Variants in EPM2A observed in about 807,000 individuals in gnomAD.
The protein encoded by EPM2A is laforin.
A neutral mutation model predicts 26.5 loss-of-function variants in EPM2A; 21 were observed. The observed-to-expected ratio is 0.79, with a 90% CI of 0.56 to 1.14. EPM2A has a LOEUF of 1.14. EPM2A is among the 50% of genes most tolerant of loss of function. The pLI is 0.00. For missense variants in EPM2A, 458 were observed against 440.8 expected, an observed-to-expected ratio of 1.04 and a Z score of -0.35; for synonymous variants, 217 against 177.6, an observed-to-expected ratio of 1.22 and a Z score of -1.76.
intron 4 of EPM2A, among the ~76,000 whole-genome samples, chr6:145,488,384 T>C (rs1779705103): frequency 6.6e-6 from 1 of 152,134 alleles, no homozygotes; most frequent in Non-Finnish European, 1.5e-5. Context: ...GGAATAACAT[T>C]GAAGCTATGA....
At chr6:145,615,780 G>A (rs1775498348) in intron 2 of EPM2A, among the ~76,000 whole-genome samples, 1 of 152,072 alleles carries the variant, frequency 6.6e-6, no homozygotes, top group African/African-American at 2.4e-5. Context: ...CAAAGAGATT[G>A]GTGGCATTTT....
chr6:145,419,812 A>G (rs1053628490), intron 4 of EPM2A, among the ~76,000 whole-genome samples: 1 of 152,194 alleles, frequency 6.6e-6, no homozygotes, highest in Non-Finnish European at 1.5e-5. Context: ...TAATTTACTA[A>G]TAATTAATGA....
chr6:145,658,014 T>G (rs1778419746), intron 2 of EPM2A, among the ~76,000 whole-genome samples: 1 of 152,218 alleles, frequency 6.6e-6, no homozygotes, highest in Non-Finnish European at 1.5e-5. Flanking sequence ...CCTTCTTTTT[T>G]CTCAGTACAC....
chr6:145,518,249 T>C (rs1780156140), intron 2 of EPM2A, among the ~76,000 whole-genome samples: 1 of 152,190 alleles, frequency 6.6e-6, no homozygotes, highest in South Asian at 2.1e-4. Flanking sequence ...GATTGCTGTT[T>C]TATGTTCTCA....
chr6:145,430,140 C>T (rs1165881546), intron 4 of EPM2A, among the ~76,000 whole-genome samples: 4 of 151,586 alleles, frequency 2.6e-5, no homozygotes, highest in Admixed American at 6.6e-5. Context: ...TGTGATGAGC[C>T]GAGATGGCAC....
chr6:145,616,905 C>A (rs1775525412), intron 2 of EPM2A, among the ~76,000 whole-genome samples: 1 of 152,172 alleles, frequency 6.6e-6, no homozygotes, highest in African/African-American at 2.4e-5. Flanking sequence ...ATTTTACAGG[C>A]TCATAGGTGG....
chr6:145,607,183 A>G (rs1448230949), intron 2 of EPM2A, among the ~76,000 whole-genome samples: 1 of 152,164 alleles, frequency 6.6e-6, no homozygotes. Flanking sequence ...ACCTCGTTAA[A>G]GTTTTATACC....
intron 4 of EPM2A, among the ~76,000 whole-genome samples, chr6:145,405,821 T>C (rs1012958839): frequency 6.6e-6 from 1 of 152,154 alleles, no homozygotes; most frequent in Non-Finnish European, 1.5e-5. Context: ...CCATTGTTGG[T>C]AAATATCTTA....
intron 3 of EPM2A, 161 bp downstream of exon 3, chr6:145,635,084 C>A: frequency 4.0e-6 from 3 of 757,996 alleles, no homozygotes; most frequent in Non-Finnish European, 4.2e-6. Flanking sequence ...AGAATCTTAG[C>A]CACAGTGTCA....
Position 145,556,297 on chromosome 6 carries a change from T to C in EPM2A, c.341-53722A>G, listed in dbSNP as rs1780727693. ...TCTAGTGGGAAGGAGGGTTAACCAC[T>C]ACTGAAGTATTTTAGTTTTTCTCAT... On this transcript the variant is annotated intron_variant, in intron 2 of 3. Transcript: ENST00000450221. Among the ~76,000 whole-genome samples, 4 of 152,156 alleles carry C rather than the reference T, an allele frequency of 2.6e-5. No individual in the cohort carries two copies. The South Asian group carries it at 6.2e-4, about 24-fold the overall frequency.
At chr6:145,580,486 T>C (rs1781098209) in intron 2 of EPM2A, among the ~76,000 whole-genome samples, 2 of 151,384 alleles carry the variant, frequency 1.3e-5, no homozygotes, top group Admixed American at 6.6e-5. Flanking sequence ...TAAAAGCAAG[T>C]TATATTGTTT....
chr6:145,475,558 C>A (rs1256538524), intron 4 of EPM2A, among the ~76,000 whole-genome samples: 1 of 151,588 alleles, frequency 6.6e-6, no homozygotes, highest in Non-Finnish European at 1.5e-5. Context: ...CACATGTATA[C>A]CTATGTAACA....
chr6:145,551,427 A>C (rs1054848310), intron 2 of EPM2A, among the ~76,000 whole-genome samples: 8 of 152,026 alleles, frequency 5.3e-5, no homozygotes, highest in Non-Finnish European at 1.2e-4. Flanking sequence ...TTCCAATGAA[A>C]GCCTAGTAAA....
downstream of EPM2A, among the ~76,000 whole-genome samples, chr6:145,498,626 T>C (rs548371355): frequency 1.3e-5 from 2 of 152,300 alleles, no homozygotes; most frequent in South Asian, 4.1e-4. Flanking sequence ...GAGGTTCCCT[T>C]GGCTCTGTGT....
chr6:145,730,665 T>G (rs543092217), intron 1 of EPM2A, among the ~76,000 whole-genome samples: 21 of 152,328 alleles, frequency 1.4e-4, no homozygotes, highest in African/African-American at 4.8e-4. Flanking sequence ...TTACATGAAT[T>G]GATTTTTTTA....
At chr6:145,477,601 C>T (rs953541271) in intron 4 of EPM2A, among the ~76,000 whole-genome samples, 6 of 151,924 alleles carry the variant, frequency 3.9e-5, no homozygotes, top group African/African-American at 1.4e-4. Flanking sequence ...AGGGACTTAC[C>T]TCTGGGATGC....
chr6:145,518,607 A>C (rs1458459379), intron 2 of EPM2A, among the ~76,000 whole-genome samples: 4 of 151,414 alleles, frequency 2.6e-5, no homozygotes, highest in Non-Finnish European at 2.9e-5. Flanking sequence ...AAAAAAAAAA[A>C]AAAAAAAAAA....
chr6:145,562,502 A>G (rs1213840572), intron 2 of EPM2A, among the ~76,000 whole-genome samples: 1 of 152,180 alleles, frequency 6.6e-6, no homozygotes, highest in Non-Finnish European at 1.5e-5. Flanking sequence ...CAGGTATTAA[A>G]TAATAGTCCA....
chr6:145,720,894 C>T (rs1583124227), intron 1 of EPM2A: 1 of 152,150 alleles, frequency 6.6e-6, no homozygotes, highest in African/African-American at 2.4e-5. Flanking sequence ...GGTGCAGTGG[C>T]TCATACCTGT....
Sources: allele counts gnomAD v4.1 joint callset (sites outside exome capture counted in the v4.1 genomes callset), GRCh38; gene constraint gnomAD v4.1.1; transcripts MANE v1.5; gene names NCBI Gene and HGNC (gene_info 2026-07-23, HGNC 2026-07-21).